SYT7: variants seen among roughly 807,000 people sequenced by gnomAD.
The protein encoded by SYT7 is synaptotagmin 7.
A neutral mutation model predicts 75.1 loss-of-function variants in SYT7; 29 were observed. The ratio of observed to expected loss-of-function variants is 0.39; its 90% CI spans 0.29 to 0.53. The LOEUF (loss-of-function observed/expected upper bound fraction) is 0.53. Ranked by LOEUF, SYT7 falls within the 20% of genes least tolerant of loss-of-function variation. The probability of loss-of-function intolerance (pLI) is 0.77; values close to 1 mark genes in which losing one functional copy is unlikely to be tolerated. For synonymous variants in SYT7, 376 were observed against 401.7 expected (o/e 0.94, Z 0.76); for missense variants, 693 against 953.2 (o/e 0.73, Z 3.59).
intron 3 of SYT7, among the ~76,000 whole-genome samples, chr11:61,549,664 A>G (rs1487494513): frequency 6.6e-6 from 1 of 152,210 alleles, no homozygotes; most frequent in Non-Finnish European, 1.5e-5. Context: ...GCAGACACAC[A>G]CGGTGGCTTC....
intron 5 of SYT7, among the ~76,000 whole-genome samples, chr11:61,545,577 CT>C (rs2063161243): frequency 6.6e-6 from 1 of 152,228 alleles, no homozygotes; most frequent in African/African-American, 2.4e-5. Context: ...CTAGAGCCAT[CT>C]GCTGGCTGTA....
At chr11:61,575,609 C>T (rs2135449332) in intron 1 of SYT7, among the ~76,000 whole-genome samples, 1 of 152,362 alleles carries the variant, frequency 6.6e-6, no homozygotes, top group African/African-American at 2.4e-5. Flanking sequence ...ACGAGGCCTT[C>T]ATGGCCATGC....
At chr11:61,557,148 C>T (rs2063520400) in intron 1 of SYT7, among the ~76,000 whole-genome samples, 1 of 152,146 alleles carries the variant, frequency 6.6e-6, no homozygotes, top group African/African-American at 2.4e-5. Flanking sequence ...TAAACATTAG[C>T]CCAAACCAAA....
Position 61,546,730 on chromosome 11 carries a change from C to CCACCACCAT in SYT7, c.347+438_347+446dup. On this transcript the variant is annotated intron_variant, in intron 4 of 12. Transcript: ENST00000539008. This position sits in a 1 kb window ranked among gnomAD's most constrained non-coding sequence, Gnocchi z 7.6. ...TGTTAGTCAGAGTTCATCACCACCA[C>CCACCACCAT]CACCACCATCACCGCCACCACCGCC... 9.1e-6 allele frequency: 4 copies of CCACCACCAT among 441,062 alleles called. No homozygotes were observed. Among genetic ancestry groups the CCACCACCAT allele is most frequent in the South Asian group, 6.4e-5 (4 of 62,230 alleles). The allele number at this position is 441,062 out of a possible 1,614,324, so 27.3% of individuals were successfully genotyped here.
At chr11:61,550,668 T>A (rs1462768719) in intron 3 of SYT7, among the ~76,000 whole-genome samples, 4 of 151,956 alleles carry the variant, frequency 2.6e-5, no homozygotes, top group Non-Finnish European at 5.9e-5. Flanking sequence ...AGCCTCCATT[T>A]CCAGAGCCCA....
chr11:61,575,556 C>T (rs1474793422), intron 1 of SYT7, among the ~76,000 whole-genome samples: 1 of 152,224 alleles, frequency 6.6e-6, no homozygotes, highest in Non-Finnish European at 1.5e-5. Flanking sequence ...CCCGTCCACA[C>T]CCATGTATGC....
chr11:61,518,459 T>C lies in SYT7; in HGVS notation c.*168A>G. Reference sequence around the variant, plus strand: ...GCTGGACTGTGGGGGATGGGGCTGGTACTTCCTAGAAACGGGGCCCAGTTG... The same window carrying C: ...GCTGGACTGTGGGGGATGGGGCTGGCACTTCCTAGAAACGGGGCCCAGTTG... On this transcript the variant is annotated 3_prime_UTR_variant, in exon 13 of 13. Coordinates refer to ENST00000539008, the MANE Select transcript of SYT7 (RefSeq NM_001365809.2). 2.1e-6 allele frequency: 1 copy of C among 483,920 alleles called. No homozygotes were observed. Among genetic ancestry groups the C allele is most frequent in the East Asian group, 3.3e-5 (1 of 30,276 alleles). 30.0% of individuals were successfully genotyped at this position (483,920 alleles called of 1,614,324 possible).
At chr11:61,568,646 T>A (rs559127519) in intron 1 of SYT7, among the ~76,000 whole-genome samples, 1 of 152,328 alleles carries the variant, frequency 6.6e-6, no homozygotes, top group African/African-American at 2.4e-5. Context: ...GCCATTCAGC[T>A]GGATCTACCT....
chr11:61,574,833 G>A (rs1482422567), intron 1 of SYT7, among the ~76,000 whole-genome samples: 1 of 152,042 alleles, frequency 6.6e-6, no homozygotes, highest in African/African-American at 2.4e-5. Flanking sequence ...GTAATGAGAC[G>A]GATCCAATTT....
intron 3 of SYT7, among the ~76,000 whole-genome samples, chr11:61,549,341 C>G (rs553712295): frequency 6.6e-6 from 1 of 152,300 alleles, no homozygotes; most frequent in African/African-American, 2.4e-5. Context: ...TTCTCAGAGC[C>G]TTTAACGTGC....
the SYT7 span, among the ~76,000 whole-genome samples, chr11:61,586,643 G>A: frequency 6.6e-6 from 1 of 152,330 alleles, no homozygotes; most frequent in East Asian, 1.9e-4. Context: ...CCATAATTGG[G>A]TGTGTGTTTG....
Position 61,551,036 on chromosome 11 carries a change from G to A in SYT7, c.215+348C>T, listed in dbSNP as rs1481250523. ...CTAGCAGCAGGGGCCCCATGAGAGG[G>A]GCTTGGAGGTCCAGGGAAGCCGGCG... On this transcript the variant is annotated intron_variant, in intron 3 of 12. Coordinates refer to ENST00000539008, the MANE Select transcript of SYT7 (RefSeq NM_001365809.2). The surrounding 1 kb of genome is among the most constrained non-coding windows in gnomAD (Gnocchi z 5.3). Among the ~76,000 whole-genome samples the A allele has an allele frequency of 1.3e-5, 2 of 152,198 alleles. No individual in the cohort carries two copies. The highest frequency in any genetic ancestry group is 2.9e-5 in the Non-Finnish European group (2 of 68,024).
At chr11:61,538,358 A>AGAGC in intron 6 of SYT7, 92 bp from the exon 7 acceptor site, 2 of 743,102 alleles carry the variant, frequency 2.7e-6, no homozygotes, top group South Asian at 4.1e-5. Context: ...AGAGAGAGAG[A>AGAGC]GAGAGAGAGA....
chr11:61,577,589 T>A (rs778904650), intron 1 of SYT7, among the ~76,000 whole-genome samples: 2 of 152,174 alleles, frequency 1.3e-5, no homozygotes, highest in African/African-American at 2.4e-5. Flanking sequence ...GACTGGAGGG[T>A]TGGCCTGGAC....
chr11:61,542,249 C>T lies in SYT7; in HGVS notation c.903G>A (p.Gly301=). The change falls in exon 6 of 13, where the codon GGG becomes GGA. Residue 301 remains glycine (G), a synonymous_variant. Coordinates refer to ENST00000539008, the MANE Select transcript of SYT7 (RefSeq NM_001365809.2). The surrounding 1 kb of genome is among the most constrained non-coding windows in gnomAD (Gnocchi z 7.8). ...TGTCCAAGCCTCGGTTTCGAATCTG[C>T]CCCACCACGTGGTCCCAGCTGCCTG... ...SNPGSWDHVV[G]QIRNRGLDMK... 1 of 1,535,134 alleles carries T rather than the reference C, an allele frequency of 6.5e-7. No homozygotes were observed. Among genetic ancestry groups the T allele is most frequent in the Non-Finnish European group, 8.7e-7 (1 of 1,146,444 alleles).
Position 61,546,162 on chromosome 11 carries a change from C to T in SYT7, c.441G>A (p.Pro147=), listed in dbSNP as rs375983429. 2.6e-3 allele frequency: 3,912 copies of T among 1,525,016 alleles called. 119 individuals carry two copies. The South Asian group carries it at 0.044, about 17-fold the overall frequency. 94.5% of individuals were successfully genotyped at this position (1,525,016 alleles called of 1,614,324 possible). Reference sequence around the variant, plus strand: ...TTCTCAAGGCGTCCTCTCCGGGTGGCGGCACCGGTGCCGGCTTCTCCCCCA... The same window carrying T: ...TTCTCAAGGCGTCCTCTCCGGGTGGTGGCACCGGTGCCGGCTTCTCCCCCA... The part of the protein sequence containing the change: ...GRLGEKPAPV[P]PPGEDALRSG... The change falls in exon 5 of 13, where the codon CCG becomes CCA. Residue 147 remains proline, a synonymous_variant. Transcript: ENST00000539008. This position sits in a 1 kb window ranked among gnomAD's most constrained non-coding sequence, Gnocchi z 7.6.
intron 12 of SYT7, among the ~76,000 whole-genome samples, chr11:61,519,047 T>C (rs1051334561): frequency 6.6e-5 from 10 of 152,236 alleles, no homozygotes; most frequent in Non-Finnish European, 1.3e-4. Flanking sequence ...TTCCCTGCCC[T>C]ATCTGTTGGG....
upstream of SYT7, among the ~76,000 whole-genome samples, chr11:61,584,407 A>AAT: frequency 6.7e-6 from 1 of 148,556 alleles, no homozygotes; most frequent in East Asian, 1.9e-4. Flanking sequence ...AAAAAAAAAA[A>AAT]GGAAAAAAAA....
At chr11:61,529,495 T>C (rs565477933) in intron 8 of SYT7, among the ~76,000 whole-genome samples, 2 of 152,182 alleles carry the variant, frequency 1.3e-5, no homozygotes, top group East Asian at 3.9e-4. Flanking sequence ...CTGACGGCAG[T>C]AGGAACCCTC....
Sources: gnomAD v4.1 joint callset for allele counts (sites outside exome capture counted in the v4.1 genomes callset) on GRCh38, gnomAD v4.1.1 for gene constraint, Gnocchi (gnomAD v3.1) non-coding constraint, MANE v1.5 for transcripts, NCBI Gene and HGNC (gene_info 2026-07-23, HGNC 2026-07-21) for gene names.